Variants in CDYL2 observed in about 807,000 individuals in gnomAD.
The protein encoded by CDYL2 is chromodomain Y-like protein 2.
Under a neutral mutation model 49.4 loss-of-function variants are expected in CDYL2, and 23 were observed. The ratio of observed to expected loss-of-function variants is 0.47; its 90% confidence interval spans 0.34 to 0.66. The LOEUF is 0.66. CDYL2 is among the 30% of genes least tolerant of loss of function. The pLI is 0.01. For missense variants in CDYL2, 678 were observed against 656.4 expected, an observed-to-expected ratio of 1.03 and a Z score of -0.36; for synonymous variants, 360 against 268.8, an observed-to-expected ratio of 1.34 and a Z score of -3.32.
intron 4 of CDYL2, among the ~76,000 whole-genome samples, chr16:80,616,313 C>G (rs1389687700): frequency 6.6e-6 from 1 of 152,168 alleles, no homozygotes; most frequent in Non-Finnish European, 1.5e-5. Flanking sequence ...AGGGTGCTAG[C>G]CCAGTGCTGA....
At chr16:80,760,060 A>T (rs1311651826) in intron 1 of CDYL2, among the ~76,000 whole-genome samples, 1 of 152,184 alleles carries the variant, frequency 6.6e-6, no homozygotes, top group Non-Finnish European at 1.5e-5. Context: ...GAAAATTTAG[A>T]TTTATAAATT....
intron 1 of CDYL2, among the ~76,000 whole-genome samples, chr16:80,703,238 A>C (rs984495566): frequency 2.0e-5 from 3 of 152,212 alleles, no homozygotes; most frequent in African/African-American, 7.2e-5. Context: ...TGTATTTACA[A>C]AGTTTCCTTT....
At chr16:80,624,154 A>G (rs1382960204) in intron 3 of CDYL2, among the ~76,000 whole-genome samples, 1 of 152,194 alleles carries the variant, frequency 6.6e-6, no homozygotes, top group Non-Finnish European at 1.5e-5. Context: ...TGGTATTCAC[A>G]AGGACTCAAG....
chr16:80,678,366 A>G (rs1178158835), intron 2 of CDYL2, among the ~76,000 whole-genome samples: 1 of 152,186 alleles, frequency 6.6e-6, no homozygotes, highest in Non-Finnish European at 1.5e-5. Context: ...TACTCATCTG[A>G]CAAAGGGCTA....
intron 1 of CDYL2, among the ~76,000 whole-genome samples, chr16:80,700,071 G>A (rs576821617): frequency 6.6e-6 from 1 of 152,134 alleles, no homozygotes; most frequent in Non-Finnish European, 1.5e-5. Context: ...ATGTTAGCCA[G>A]GATGGTCTCG....
intron 1 of CDYL2, among the ~76,000 whole-genome samples, chr16:80,726,052 T>A (rs1905153004): frequency 6.6e-6 from 1 of 152,234 alleles, no homozygotes; most frequent in South Asian, 2.1e-4. Flanking sequence ...GACAGTGACA[T>A]CTATTTTAAG....
chr16:80,794,854 C>T (rs1456040160), intron 1 of CDYL2, among the ~76,000 whole-genome samples: 1 of 152,054 alleles, frequency 6.6e-6, no homozygotes, highest in East Asian at 1.9e-4. Flanking sequence ...CTCAGGTGAT[C>T]CGCCCATCTT....
At chr16:80,730,094 C>G (rs910809087) in intron 1 of CDYL2, among the ~76,000 whole-genome samples, 7 of 152,090 alleles carry the variant, frequency 4.6e-5, no homozygotes, top group Admixed American at 2.0e-4. Flanking sequence ...CAAGAAATAA[C>G]TAAGATCAGA....
intron 2 of CDYL2, among the ~76,000 whole-genome samples, chr16:80,664,471 G>T (rs566890172): frequency 2.6e-5 from 4 of 152,288 alleles, no homozygotes; most frequent in African/African-American, 9.6e-5. Flanking sequence ...GGTCACTGGG[G>T]ACCAGCTGAT....
At position 80,729,619 on chromosome 16, in the gene CDYL2, A is replaced by G. The variant is rs143846601; in HGVS notation, c.25-44490T>C. ...AGCAGACCTAATACACATCTACAGA[A>G]ATCTCCAGCCCAAATCAACAGAATA... On this transcript the variant is annotated intron_variant, in intron 1 of 6. Transcript: ENST00000570137. Among the ~76,000 whole-genome samples the G allele has an allele frequency of 1.0e-2, 1,517 of 152,290 alleles. 33 individuals carry two copies. Among genetic ancestry groups the G allele is most frequent in the African/African-American group, 0.034 (1,424 of 41,558 alleles).
chr16:80,658,870 C>G (rs1242867425), intron 2 of CDYL2, among the ~76,000 whole-genome samples: 1 of 151,770 alleles, frequency 6.6e-6, no homozygotes, highest in Non-Finnish European at 1.5e-5. Context: ...CTTATTGTAC[C>G]TAAAAATAGG....
chr16:80,753,439 T>C (rs1906203419), intron 1 of CDYL2, among the ~76,000 whole-genome samples: 1 of 151,860 alleles, frequency 6.6e-6, no homozygotes, highest in Non-Finnish European at 1.5e-5. Flanking sequence ...AGAAACCCCA[T>C]CTCTAATAAA....
At chr16:80,684,512 A>C (rs753908069) in intron 2 of CDYL2, 26 bp downstream of exon 2, 1 of 1,595,962 alleles carries the variant, frequency 6.3e-7, no homozygotes, top group African/African-American at 1.3e-5. Flanking sequence ...CCAGAGCCAA[A>C]CCCAAGAGAA....
At chr16:80,742,160 T>C (rs887293788) in intron 1 of CDYL2, 1 of 152,088 alleles carries the variant, frequency 6.6e-6, no homozygotes. Context: ...CGAGGTGGGG[T>C]CAGAATGCAA....
intron 1 of CDYL2, among the ~76,000 whole-genome samples, chr16:80,691,867 T>C (rs1910429120): frequency 6.6e-6 from 1 of 151,672 alleles, no homozygotes; most frequent in Admixed American, 6.6e-5. Context: ...TAAGAAAGGA[T>C]GTAAAGGAAT....
rs1388522478 is a variant in CDYL2 at position 80,603,405 on chromosome 16, C to T, written c.*983G>A. 1 of 152,182 alleles carries T rather than the reference C, an allele frequency of 6.6e-6. No individual in the cohort carries two copies. Among genetic ancestry groups the T allele is most frequent in the East Asian group, 1.9e-4 (1 of 5,200 alleles). The allele number at this position is 152,182 out of a possible 1,614,324, so 9.4% of individuals were successfully genotyped here. A position where few individuals can be genotyped will look rare whatever the true frequency, so the allele number is the denominator to read the frequency against. ...TAAAGACAGCAGAGGGAAGAAAAAA[C>T]TCTCCCAAGATGTCTCCTAAGGACA... On this transcript the variant is annotated 3_prime_UTR_variant, in exon 7 of 7. Coordinates refer to ENST00000570137, the MANE Select transcript of CDYL2 (RefSeq NM_152342.4).
chr16:80,795,776 C>A (rs747498291), intron 1 of CDYL2, among the ~76,000 whole-genome samples: 6 of 152,166 alleles, frequency 3.9e-5, no homozygotes, highest in Non-Finnish European at 8.8e-5. Flanking sequence ...TTAGAGTTAC[C>A]AGTTCTAGTC....
chr16:80,641,524 T>C (rs1045030376), intron 2 of CDYL2, among the ~76,000 whole-genome samples: 1 of 151,792 alleles, frequency 6.6e-6, no homozygotes, highest in African/African-American at 2.4e-5. Context: ...AAAAGGATGT[T>C]AAGAAAATGT....
At position 80,662,807 on chromosome 16, in the gene CDYL2, A is replaced by G. The variant is rs1437593299; in HGVS notation, c.616+21731T>C. 1.1e-5 allele frequency: 5 copies of G among 454,036 alleles called. No homozygotes were observed. In the Admixed American group the frequency reaches 1.2e-4, roughly 11 times the overall value. 28.1% of individuals were successfully genotyped at this position (454,036 alleles called of 1,614,324 possible). A position where few individuals can be genotyped will look rare whatever the true frequency, so the allele number is the denominator to read the frequency against. On this transcript the variant is annotated intron_variant, in intron 2 of 6. Coordinates refer to ENST00000570137, the MANE Select transcript of CDYL2 (RefSeq NM_152342.4). Reference sequence around the variant, plus strand: ...GGAATCACACTGTAGGAAAATCATCATGGATACCTTCCACATCTTGACAAG... The same window carrying G: ...GGAATCACACTGTAGGAAAATCATCGTGGATACCTTCCACATCTTGACAAG...
Sources: gnomAD v4.1 joint callset for allele counts (sites outside exome capture counted in the v4.1 genomes callset) on GRCh38, gnomAD v4.1.1 for gene constraint, MANE v1.5 for transcripts, NCBI Gene and HGNC (gene_info 2026-07-23, HGNC 2026-07-21) for gene names.